Variants in HLF observed in about 807,000 individuals in gnomAD.
HLF encodes the protein hepatic leukemia factor.
In HLF, 3 loss-of-function variants were observed where a neutral mutation model predicts 22.6. The observed-to-expected ratio is 0.13, with a 90% confidence interval of 0.06 to 0.34. The LOEUF is 0.34. Among genes scored for constraint, HLF ranks in the 10% least tolerant of loss-of-function variants. The probability of loss-of-function intolerance (pLI) is 1.00; values close to 1 mark genes in which losing one functional copy is unlikely to be tolerated. For synonymous variants in HLF, 151 were observed against 151.8 expected (o/e 0.99, Z 0.04); for missense variants, 299 against 389.2 (o/e 0.77, Z 1.95).
chr17:55,321,424 T>C lies in HLF; in HGVS notation c.*545T>C, dbSNP rs938031897. On this transcript the variant is annotated 3_prime_UTR_variant, in exon 4 of 4. Transcript: ENST00000226067. Reference sequence around the variant, plus strand: ...AGCTCTAGTCCTTTATAAGTTGCTTTCCTCTTACTTTCAGTTTTGGTGATA... The same window carrying C: ...AGCTCTAGTCCTTTATAAGTTGCTTCCCTCTTACTTTCAGTTTTGGTGATA... 2 of 232,778 alleles carry C rather than the reference T, an allele frequency of 8.6e-6. No homozygotes were observed. The highest frequency in any genetic ancestry group is 5.6e-5 in the Admixed American group (1 of 17,790). 14.4% of individuals were successfully genotyped at this position (232,778 alleles called of 1,614,324 possible). A position where few individuals can be genotyped will look rare whatever the true frequency, so the allele number is the denominator to read the frequency against.
chr17:55,294,084 A>G (rs569779420), intron 2 of HLF, among the ~76,000 whole-genome samples: 16 of 152,326 alleles, frequency 1.1e-4, no homozygotes, highest in South Asian at 2.1e-4. Context: ...CCATGAAGTG[A>G]TAAACACATC....
intron 2 of HLF, among the ~76,000 whole-genome samples, chr17:55,279,046 C>A (rs371569202): frequency 6.6e-6 from 1 of 152,152 alleles, no homozygotes; most frequent in African/African-American, 2.4e-5. Context: ...TGATTGATTT[C>A]TTTGTATTAG....
rs1905334896 is a variant in HLF at position 55,323,455 on chromosome 17, T to C, written c.*2576T>C. ...AAAACTATATTTGAGCACTGGTCTCTCTTGGAATTAGATGTTTATATCAAA... is the reference window on the plus strand; with the variant it reads ...AAAACTATATTTGAGCACTGGTCTCCCTTGGAATTAGATGTTTATATCAAA... On this transcript the variant is annotated 3_prime_UTR_variant, in exon 4 of 4. Coordinates refer to ENST00000226067, the MANE Select transcript of HLF (RefSeq NM_002126.5). The C allele has an allele frequency of 9.3e-6, 2 of 214,918 alleles. No homozygotes were observed. Among genetic ancestry groups the C allele is most frequent in the South Asian group, 3.7e-4 (2 of 5,380 alleles). 13.3% of individuals were successfully genotyped at this position (214,918 alleles called of 1,614,324 possible).
chr17:55,297,065 T>C (rs2081117357), intron 2 of HLF, among the ~76,000 whole-genome samples: 1 of 152,192 alleles, frequency 6.6e-6, no homozygotes. Flanking sequence ...AGATCCAAAT[T>C]GCAAGATCTC....
At chr17:55,293,898 A>C (rs2081088711) in intron 2 of HLF, among the ~76,000 whole-genome samples, 1 of 152,188 alleles carries the variant, frequency 6.6e-6, no homozygotes, top group Non-Finnish European at 1.5e-5. Context: ...GTGAGGAGGA[A>C]AGGAGCAACA....
intron 3 of HLF, among the ~76,000 whole-genome samples, chr17:55,318,355 C>T (rs1029470843): frequency 6.6e-6 from 1 of 152,148 alleles, no homozygotes; most frequent in Admixed American, 6.5e-5. Flanking sequence ...CTCCCTCCCA[C>T]CTGAAAGGTT....
At chr17:55,309,652 G>C (rs1382551035) in intron 2 of HLF, among the ~76,000 whole-genome samples, 1 of 152,156 alleles carries the variant, frequency 6.6e-6, no homozygotes, top group Non-Finnish European at 1.5e-5. Flanking sequence ...GAAACCCTTT[G>C]GCCAAAATAA....
intron 3 of HLF, chr17:55,318,985 C>T (rs1267810033): frequency 6.6e-6 from 1 of 152,556 alleles, no homozygotes; most frequent in Non-Finnish European, 1.5e-5. Context: ...CCATTGCACA[C>T]CTGCCCTAGC....
At chr17:55,313,757 C>A (rs1436904371) in intron 2 of HLF, among the ~76,000 whole-genome samples, 1 of 152,148 alleles carries the variant, frequency 6.6e-6, no homozygotes, top group African/African-American at 2.4e-5. Flanking sequence ...TGAGCTACAG[C>A]TTGGCTAATG....
intron 2 of HLF, among the ~76,000 whole-genome samples, chr17:55,279,427 C>A (rs1047569388): frequency 1.3e-5 from 2 of 152,058 alleles, no homozygotes; most frequent in African/African-American, 4.8e-5. Context: ...ATATCTTTGT[C>A]TTCTTTATAA....
intron 2 of HLF, among the ~76,000 whole-genome samples, chr17:55,310,963 T>C (rs915032442): frequency 1.5e-4 from 23 of 152,160 alleles, no homozygotes; most frequent in Admixed American, 5.2e-4. Context: ...ATACATGTTT[T>C]TAAAAAAGCC....
At chr17:55,316,313 CA>C (rs1251229136) in intron 3 of HLF, among the ~76,000 whole-genome samples, 1 of 152,200 alleles carries the variant, frequency 6.6e-6, no homozygotes, top group Non-Finnish European at 1.5e-5. Flanking sequence ...TGGAACCAGG[CA>C]TAATTAGCCC....
At position 55,265,977 on chromosome 17, in the gene HLF, C is replaced by T. The variant is rs942955492; in HGVS notation, c.115+378C>T. 3.8e-5 allele frequency: 16 copies of T among 424,462 alleles called. No homozygotes were observed. The South Asian group carries it at 4.7e-4, about 13-fold the overall frequency. 26.3% of individuals were successfully genotyped at this position (424,462 alleles called of 1,614,324 possible). Reference sequence around the variant, plus strand: ...GCCTCCCGGGCTGGGGAGGAGAAACCCTGGGGCCTGGTTCTGTGCGGGGCA... The same window carrying T: ...GCCTCCCGGGCTGGGGAGGAGAAACTCTGGGGCCTGGTTCTGTGCGGGGCA... On this transcript the variant is annotated intron_variant, in intron 1 of 3. Transcript: ENST00000226067.
chr17:55,266,726 G>A, intron 1 of HLF: 1 of 528,200 alleles, frequency 1.9e-6, no homozygotes, highest in Non-Finnish European at 2.4e-6. Flanking sequence ...TGGCAGTGGA[G>A]GCTGTGTTTC....
At chr17:55,301,466 T>TA (rs995051688) in intron 2 of HLF, among the ~76,000 whole-genome samples, 9 of 152,218 alleles carry the variant, frequency 5.9e-5, no homozygotes, top group South Asian at 2.1e-4. Flanking sequence ...CTTAATCTGA[T>TA]AAAAAAATTA....
chr17:55,324,312 A>G lies in HLF; in HGVS notation c.*3433A>G, dbSNP rs1489418919. 4 of 227,782 alleles carry G rather than the reference A, an allele frequency of 1.8e-5. No individual in the cohort carries two copies. The highest frequency in any genetic ancestry group is 8.9e-5 in the African/African-American group (4 of 45,038). 14.1% of individuals were successfully genotyped at this position (227,782 alleles called of 1,614,324 possible). On this transcript the variant is annotated 3_prime_UTR_variant, in exon 4 of 4. Transcript: ENST00000226067. The stretch of plus-strand genomic sequence containing the variant: ...GGTGGGGAACTCACAGTAATTCCAA[A>G]TGTACAATCAGATGTCTAGGGTCTG...
intron 2 of HLF, chr17:55,272,445 GC>G (rs2080866597): frequency 6.6e-6 from 1 of 152,160 alleles, no homozygotes; most frequent in Admixed American, 6.5e-5. Context: ...CCCATATTCC[GC>G]TGAGAATTAA....
At chr17:55,284,789 T>G (rs974362192) in intron 2 of HLF, among the ~76,000 whole-genome samples, 1 of 152,202 alleles carries the variant, frequency 6.6e-6, no homozygotes, top group Non-Finnish European at 1.5e-5. Context: ...CCCAACACCC[T>G]GTTCAAATTG....
rs970958760 is a variant in HLF, at chr17:55,267,504, A to G, written c.116-247A>G. Reference sequence around the variant, plus strand: ...TGTTCTCTGGTTTTTATCCTAGATCAGCCTGTAGCCCTGCCCCAAGGACTA... The same window carrying G: ...TGTTCTCTGGTTTTTATCCTAGATCGGCCTGTAGCCCTGCCCCAAGGACTA... On this transcript the variant is annotated intron_variant, in intron 1 of 3. Transcript: ENST00000226067. 7.1e-5 allele frequency: 30 copies of G among 420,510 alleles called. 1 individual carries two copies. Among genetic ancestry groups the G allele is most frequent in the African/African-American group, 4.3e-4 (21 of 48,858 alleles). 26.0% of individuals were successfully genotyped at this position (420,510 alleles called of 1,614,324 possible). A position where few individuals can be genotyped will look rare whatever the true frequency, so the allele number is the denominator to read the frequency against.
Sources: allele counts gnomAD v4.1 joint callset (sites outside exome capture counted in the v4.1 genomes callset), GRCh38; gene constraint gnomAD v4.1.1; transcripts MANE v1.5; gene names NCBI Gene and HGNC (gene_info 2026-07-23, HGNC 2026-07-21).